Variants in CDC42BPB observed in about 807,000 individuals in gnomAD.
The protein encoded by CDC42BPB is serine/threonine-protein kinase MRCK beta.
Under a neutral mutation model 214.9 loss-of-function variants are expected in CDC42BPB, and 37 were observed. That is an observed-to-expected ratio of 0.17 (90% CI 0.13 to 0.23). The LOEUF (loss-of-function observed/expected upper bound fraction) is 0.23, where lower values mean the gene tolerates loss of function less well. Among genes scored for constraint, CDC42BPB ranks in the 10% least tolerant of loss-of-function variants. The pLI is 1.00. For missense variants in CDC42BPB, 1,694 were observed against 2,227.0 expected (o/e 0.76, Z 4.82); for synonymous variants, 931 against 884.0 (o/e 1.05, Z -0.94).
Position 102,944,510 on chromosome 14 carries a change from G to T in CDC42BPB, c.3812-23C>A, listed in dbSNP as rs572507521. 6.3e-7 allele frequency: 1 copy of T among 1,596,000 alleles called. No individual in the cohort carries two copies. Among genetic ancestry groups the T allele is most frequent in the South Asian group, 1.1e-5 (1 of 89,190 alleles). On this transcript the variant is annotated intron_variant, in intron 29 of 36. Coordinates refer to ENST00000361246, the MANE Select transcript of CDC42BPB (RefSeq NM_006035.4). This position sits in a 1 kb window ranked among gnomAD's most constrained non-coding sequence, Gnocchi z 6.6. ...TCACTGTGGCAAGGAGGACAAGAGC[G>T]TGAGGCCGACGGGACAGCCAGCAGC... is the stretch of plus-strand genomic sequence containing the variant.
chr14:102,998,487 A>G (rs1894839148), intron 5 of CDC42BPB, among the ~76,000 whole-genome samples: 1 of 152,230 alleles, frequency 6.6e-6, no homozygotes, highest in South Asian at 2.1e-4. Flanking sequence ...ATAAAAATAC[A>G]AGTAAAACTA....
At chr14:103,017,549 G>A (rs898792849) in intron 1 of CDC42BPB, among the ~76,000 whole-genome samples, 8 of 151,910 alleles carry the variant, frequency 5.3e-5, no homozygotes, top group Non-Finnish European at 7.4e-5. Context: ...AGACGCAACC[G>A]CACATCCCAC....
intron 20 of CDC42BPB, chr14:102,960,017 G>A (rs1307427902): frequency 6.0e-6 from 1 of 167,786 alleles, no homozygotes. Context: ...GACCAGCCTG[G>A]CCAACATGGT....
Position 102,987,788 on chromosome 14 carries a change from A to ACAC in CDC42BPB, c.597-1209_597-1208insGTG, listed in dbSNP as rs1894312194. The stretch of plus-strand genomic sequence containing the variant: ...CAAAACAAAATCCCACAAACACACA[A>ACAC]ACACACACACACACACACACACACA... On this transcript the variant is annotated intron_variant, in intron 5 of 36. Coordinates refer to ENST00000361246, the MANE Select transcript of CDC42BPB (RefSeq NM_006035.4). Among the ~76,000 whole-genome samples, 185 of 140,848 alleles carry ACAC rather than the reference A, an allele frequency of 1.3e-3. 1 individual carries two copies. The highest frequency in any genetic ancestry group is 4.2e-3 in the African/African-American group (158 of 37,552). 92.4% of individuals were successfully genotyped at this position (140,848 alleles called of 152,430 possible).
At chr14:102,950,255 G>A (rs761626520) in intron 25 of CDC42BPB, among the ~76,000 whole-genome samples, 5 of 152,264 alleles carry the variant, frequency 3.3e-5, no homozygotes, top group South Asian at 2.1e-4. Flanking sequence ...CTGAGTGAGC[G>A]TCTGCGTGGA....
Position 102,963,145 on chromosome 14 carries a change from C to G in CDC42BPB, c.2737G>C (p.Asp913His), listed in dbSNP as rs1430397174. The G allele has an allele frequency of 3.1e-6, 5 of 1,594,942 alleles. No individual in the cohort carries two copies. The highest frequency in any genetic ancestry group is 4.3e-6 in the Non-Finnish European group (5 of 1,167,826). The change falls in exon 20 of 37, where the codon GAT becomes CAT. Residue 913 changes from aspartate (D) to histidine (H), a missense_variant. This residue lies in a region of CDC42BPB where 156 missense variants were observed against 154.5 expected (regional missense o/e 1.01). Coordinates refer to ENST00000361246, the MANE Select transcript of CDC42BPB (RefSeq NM_006035.4). Reference protein sequence around the residue: ...ANLTLESKLKDSEAKNRELLE... With the variant: ...ANLTLESKLKHSEAKNRELLE... ...AATTCTCTGTTTTTGGCTTCGGAAT[C>G]CTTTAGTTTGCTAAAATAAAAAATA...
At chr14:102,975,490 T>TC (rs1893696575) in intron 11 of CDC42BPB, among the ~76,000 whole-genome samples, 194 bp downstream of exon 11, 1 of 152,124 alleles carries the variant, frequency 6.6e-6, no homozygotes, top group African/African-American at 2.4e-5. Context: ...ACCACTGCAC[T>TC]CCAGCCTGGG....
chr14:103,025,016 C>CA (rs1886972381), intron 1 of CDC42BPB, among the ~76,000 whole-genome samples: 1 of 152,134 alleles, frequency 6.6e-6, no homozygotes, highest in African/African-American at 2.4e-5. Context: ...ATCTAGTAGA[C>CA]AGTATATTTT....
intron 1 of CDC42BPB, chr14:103,041,528 G>C: frequency 2.2e-6 from 3 of 1,381,258 alleles, no homozygotes; most frequent in Non-Finnish European, 3.0e-6. Context: ...CAGCTGGCTC[G>C]TGGCCACATG....
chr14:103,041,787 G>A, intron 1 of CDC42BPB: 2 of 465,314 alleles, frequency 4.3e-6, no homozygotes, highest in Non-Finnish European at 8.2e-6. Context: ...AGTCCACCGA[G>A]TCCCTGCAGG....
chr14:103,053,533 G>A (rs1180454628), intron 1 of CDC42BPB, among the ~76,000 whole-genome samples: 31 of 151,798 alleles, frequency 2.0e-4, no homozygotes, highest in Non-Finnish European at 3.5e-4. Context: ...AGGCCAAGGG[G>A]GGCAGATCAC....
At chr14:103,049,361 G>A (rs1254129417) in intron 1 of CDC42BPB, among the ~76,000 whole-genome samples, 1 of 152,350 alleles carries the variant, frequency 6.6e-6, no homozygotes, top group East Asian at 1.9e-4. Flanking sequence ...CCACAGCCCC[G>A]GAGGCCTCTT....
At chr14:102,953,678 A>C (rs1409526827) in intron 23 of CDC42BPB, among the ~76,000 whole-genome samples, 1 of 152,252 alleles carries the variant, frequency 6.6e-6, no homozygotes. Flanking sequence ...TTACAGAAGA[A>C]GCCGAGGCCA....
chr14:103,008,355 G>A (rs1045578570), intron 3 of CDC42BPB, 117 bp downstream of exon 3: 9 of 714,458 alleles, frequency 1.3e-5, no homozygotes, highest in Admixed American at 8.3e-5. Flanking sequence ...CGCTCTGTCC[G>A]GGGGGCAGGG....
intron 30 of CDC42BPB, among the ~76,000 whole-genome samples, chr14:102,941,873 A>G (rs1891906163): frequency 6.6e-6 from 1 of 152,184 alleles, no homozygotes; most frequent in Non-Finnish European, 1.5e-5. Flanking sequence ...GTGCAGAATG[A>G]GCAGTTCTGC....
At chr14:103,044,850 TA>T (rs1566924873) in intron 1 of CDC42BPB, among the ~76,000 whole-genome samples, 1 of 151,350 alleles carries the variant, frequency 6.6e-6, no homozygotes, top group Admixed American at 6.6e-5. Context: ...TAACCACTGA[TA>T]AAATCAACAT....
rs780880533 is a variant in CDC42BPB, at chr14:103,001,343, G to A, written c.448-1630C>T. ...GCTCAGCAGAGCTCACACTGGGGGC[G>A]GGAGAGACCGTGGCCAGCATGGAGA... is the stretch of plus-strand genomic sequence containing the variant. On this transcript the variant is annotated intron_variant, in intron 4 of 36. Coordinates refer to ENST00000361246, the MANE Select transcript of CDC42BPB (RefSeq NM_006035.4). This position sits in a 1 kb window ranked among gnomAD's most constrained non-coding sequence, Gnocchi z 5.8. Among the ~76,000 whole-genome samples the A allele has an allele frequency of 5.3e-5, 8 of 152,328 alleles. No homozygotes were observed. Among genetic ancestry groups the A allele is most frequent in the Non-Finnish European group, 1.2e-4 (8 of 68,028 alleles).
chr14:102,999,631 G>A lies in CDC42BPB; in HGVS notation c.530C>T (p.Ala177Val). 3.1e-6 allele frequency: 5 copies of A among 1,614,086 alleles called. No homozygotes were observed. Among genetic ancestry groups the A allele is most frequent in the African/African-American group, 1.3e-5 (1 of 75,018 alleles). ...CACCATTTCACCAATGTAGAACCTCGCCATATCTTCCGGAAGCTTGTCTTC... is the reference window on the plus strand; with the variant it reads ...CACCATTTCACCAATGTAGAACCTCACCATATCTTCCGGAAGCTTGTCTTC... ...KFEDKLPEDM[A>V]RFYIGEMVLA... The change falls in exon 5 of 37, where the codon GCG (alanine) becomes GTG (valine). Residue 177 changes from alanine (A) to valine (V), a missense_variant. Transcript: ENST00000361246.
chr14:102,972,344 A>G (rs1893513595), intron 12 of CDC42BPB, 183 bp from the exon 13 acceptor site: 2 of 985,260 alleles, frequency 2.0e-6, no homozygotes, highest in African/African-American at 1.7e-5. Flanking sequence ...CCACACAGGC[A>G]ATGGGAAGGC....
Sources: allele counts gnomAD v4.1 joint callset (sites outside exome capture counted in the v4.1 genomes callset), GRCh38; gene constraint gnomAD v4.1.1; regional missense constraint gnomAD v4.1.1; non-coding constraint Gnocchi (gnomAD v3.1); transcripts MANE v1.5; gene names NCBI Gene and HGNC (gene_info 2026-07-23, HGNC 2026-07-21).